The following RANBP2 variants were observed in gnomAD, a reference collection of about 807,000 sequenced individuals.
The protein encoded by RANBP2 is E3 SUMO-protein ligase RanBP2.
In RANBP2, 57 loss-of-function variants were observed where a neutral mutation model predicts 303.6. The observed-to-expected ratio is 0.19, with a 90% confidence interval of 0.15 to 0.23. The LOEUF is 0.23. Among genes scored for constraint, RANBP2 ranks in the 10% least tolerant of loss-of-function variants. The pLI is 1.00. For synonymous variants in RANBP2, 1,167 were observed against 1,301.5 expected, an observed-to-expected ratio of 0.90 and a Z score of 2.23; for missense variants, 3,138 against 3,780.8, an observed-to-expected ratio of 0.83 and a Z score of 4.46.
At chr2:109,260,863 G>T in the RANBP2 span, among the ~76,000 whole-genome samples, 1 of 152,182 alleles carries the variant, frequency 6.6e-6, no homozygotes, top group Admixed American at 6.5e-5. Flanking sequence ...GAAGGTAAAT[G>T]GTTGAAGCCA....
the RANBP2 span, among the ~76,000 whole-genome samples, chr2:109,683,984 C>G: frequency 6.6e-6 from 1 of 152,244 alleles, no homozygotes. Flanking sequence ...CTCTCTCCCC[C>G]AGGCTGGAGT....
At chr2:109,039,513 G>A in the RANBP2 span, among the ~76,000 whole-genome samples, 3 of 152,288 alleles carry the variant, frequency 2.0e-5, no homozygotes, top group East Asian at 3.9e-4. Flanking sequence ...ACCACGCACA[G>A]CTAATTTTTG....
At chr2:109,064,509 A>G in the RANBP2 span, among the ~76,000 whole-genome samples, 1 of 149,666 alleles carries the variant, frequency 6.7e-6, no homozygotes, top group East Asian at 2.0e-4. Flanking sequence ...TTTGATTTGC[A>G]CCCAGTTCTC....
the RANBP2 span, among the ~76,000 whole-genome samples, chr2:109,433,582 A>G: frequency 6.6e-6 from 1 of 152,204 alleles, no homozygotes; most frequent in Admixed American, 6.5e-5. Context: ...TCTTTGGAAC[A>G]AGGCTACAGT....
chr2:109,091,042 A>G, the RANBP2 span, among the ~76,000 whole-genome samples: 1 of 152,116 alleles, frequency 6.6e-6, no homozygotes, highest in African/African-American at 2.4e-5. Flanking sequence ...TAAAATAAAT[A>G]TTGTGAGACC....
At chr2:108,824,233 A>G in the RANBP2 span, among the ~76,000 whole-genome samples, 1 of 152,154 alleles carries the variant, frequency 6.6e-6, no homozygotes, top group Non-Finnish European at 1.5e-5. Flanking sequence ...TAAACTTTTT[A>G]GTTTTTTTAA....
At chr2:109,232,414 A>G in the RANBP2 span, among the ~76,000 whole-genome samples, 2 of 152,198 alleles carry the variant, frequency 1.3e-5, no homozygotes, top group Non-Finnish European at 1.5e-5. Flanking sequence ...TGGCTGAGTC[A>G]CTTAATTTCT....
At chr2:109,559,933 T>C in the RANBP2 span, among the ~76,000 whole-genome samples, 1 of 138,758 alleles carries the variant, frequency 7.2e-6, no homozygotes, top group Admixed American at 7.6e-5. Flanking sequence ...TTTTTTTTTG[T>C]CTTTTAAGAT....
chr2:109,330,533 A>C, the RANBP2 span, among the ~76,000 whole-genome samples: 1 of 152,194 alleles, frequency 6.6e-6, no homozygotes, highest in Non-Finnish European at 1.5e-5. Context: ...TTAGATGTCT[A>C]GTACCTCACA....
chr2:108,964,974 T>A, the RANBP2 span, among the ~76,000 whole-genome samples: 1 of 152,228 alleles, frequency 6.6e-6, no homozygotes, highest in Non-Finnish European at 1.5e-5. Context: ...TTTTTTTTAA[T>A]GATCTAAGAC....
chr2:109,362,158 A>G, the RANBP2 span, among the ~76,000 whole-genome samples: 3 of 151,826 alleles, frequency 2.0e-5, no homozygotes, highest in South Asian at 4.2e-4. Flanking sequence ...GATTTAGATT[A>G]TTTATTTTAG....
the RANBP2 span, chr2:109,371,788 T>A: frequency 1.1e-6 from 1 of 903,538 alleles, no homozygotes. Context: ...AGAAAGAGGA[T>A]CCTCCACAAT....
In RANBP2 at chr2:108,785,443, A is replaced by G. The variant is rs1444569807; in HGVS notation, c.*1542A>G. On this transcript the variant is annotated 3_prime_UTR_variant, in exon 29 of 29. Transcript: ENST00000283195. ...AGCTGAGACAGTTGATGCCTTCGTC[A>G]TGATTTTAGAATAAATTCTTAAGTT... 2.0e-5 allele frequency: 3 copies of G among 152,066 alleles called. No homozygotes were observed. The highest frequency in any genetic ancestry group is 7.3e-5 in the African/African-American group (3 of 41,294). The allele number at this position is 152,066 out of a possible 1,614,324, so 9.4% of individuals were successfully genotyped here.
At chr2:109,537,098 A>ATCCCT in the RANBP2 span, among the ~76,000 whole-genome samples, 1 of 151,582 alleles carries the variant, frequency 6.6e-6, no homozygotes, top group Non-Finnish European at 1.5e-5. Context: ...ATGTAAGGGG[A>ATCCCT]TAACTCTGGC....
At chr2:109,276,973 T>C in the RANBP2 span, among the ~76,000 whole-genome samples, 2 of 152,098 alleles carry the variant, frequency 1.3e-5, no homozygotes, top group Admixed American at 1.3e-4. Context: ...ACTCGGCTTC[T>C]CCCTGAAAGG....
At chr2:109,490,197 A>G in the RANBP2 span, among the ~76,000 whole-genome samples, 1 of 152,350 alleles carries the variant, frequency 6.6e-6, no homozygotes, top group African/African-American at 2.4e-5. Context: ...CAAGATGTCC[A>G]TGTAGGCACC....
At chr2:108,854,388 T>G in the RANBP2 span, among the ~76,000 whole-genome samples, 1 of 150,184 alleles carries the variant, frequency 6.7e-6, no homozygotes, top group East Asian at 1.9e-4. Context: ...ATTTGGAAGG[T>G]CTTTTTTGTT....
chr2:109,213,644 CTG>C, the RANBP2 span, among the ~76,000 whole-genome samples: 11 of 152,278 alleles, frequency 7.2e-5, no homozygotes, highest in Non-Finnish European at 1.3e-4. Context: ...GGGCAGCAAA[CTG>C]TGTGTCTACA....
At chr2:109,370,539 A>G in the RANBP2 span, among the ~76,000 whole-genome samples, 3 of 152,010 alleles carry the variant, frequency 2.0e-5, no homozygotes, top group East Asian at 1.9e-4. Context: ...GCGCCCGGCC[A>G]TCTGTCTCTC....
Sources: allele counts gnomAD v4.1 joint callset (sites outside exome capture counted in the v4.1 genomes callset), GRCh38; gene constraint gnomAD v4.1.1; transcripts MANE v1.5; gene names NCBI Gene and HGNC (gene_info 2026-07-23, HGNC 2026-07-21).